CENPW: variants seen among roughly 807,000 people sequenced by gnomAD.
CENPW encodes centromere protein W.
CENPW carries 3 observed loss-of-function variants against 11.1 expected under a neutral mutation model. The observed-to-expected ratio is 0.27, with a 90% CI of 0.12 to 0.70. The LOEUF (loss-of-function observed/expected upper bound fraction) is 0.70. CENPW is among the 30% of genes least tolerant of loss of function. The probability of loss-of-function intolerance (pLI) is 0.77; values close to 1 mark genes in which losing one functional copy is unlikely to be tolerated. For synonymous variants in CENPW, 38 were observed against 42.0 expected, an observed-to-expected ratio of 0.91 and a Z score of 0.37; for missense variants, 100 against 105.6, an observed-to-expected ratio of 0.95 and a Z score of 0.23.
chr6:126,360,806 C>T, the CENPW span, among the ~76,000 whole-genome samples: 13 of 152,020 alleles, frequency 8.6e-5, no homozygotes, highest in Non-Finnish European at 4.4e-5. Context: ...GTTATTTCAT[C>T]TTTCAGCTCT....
the CENPW span, among the ~76,000 whole-genome samples, chr6:126,453,258 A>G: frequency 6.6e-6 from 1 of 151,164 alleles, no homozygotes; most frequent in Admixed American, 6.6e-5. Flanking sequence ...ACACATAGTC[A>G]TCAGATTCCC....
At chr6:126,452,442 A>T in the CENPW span, among the ~76,000 whole-genome samples, 1 of 151,164 alleles carries the variant, frequency 6.6e-6, no homozygotes, top group African/African-American at 2.4e-5. Flanking sequence ...AGGAGAACGT[A>T]TTAGAAATTT....
chr6:126,454,728 TA>T, the CENPW span, among the ~76,000 whole-genome samples: 4 of 151,024 alleles, frequency 2.6e-5, no homozygotes, highest in African/African-American at 9.7e-5. Context: ...GAATCAGAGC[TA>T]AACTGAAGGA....
At chr6:126,469,979 T>C in the CENPW span, among the ~76,000 whole-genome samples, 36 of 152,274 alleles carry the variant, frequency 2.4e-4, no homozygotes, top group South Asian at 6.2e-4. Flanking sequence ...AAGCAGAGCA[T>C]AAAAGTTTAG....
the CENPW span, among the ~76,000 whole-genome samples, chr6:126,378,637 T>A: frequency 3.3e-5 from 5 of 152,180 alleles, no homozygotes; most frequent in Admixed American, 2.0e-4. Flanking sequence ...GCACTTTGGG[T>A]TCATAAAACA....
At chr6:126,422,051 A>G in the CENPW span, among the ~76,000 whole-genome samples, 8 of 152,270 alleles carry the variant, frequency 5.3e-5, no homozygotes, top group South Asian at 6.2e-4. Flanking sequence ...GAAATGTCTC[A>G]GTAGACTTCT....
chr6:126,426,445 A>C, the CENPW span, among the ~76,000 whole-genome samples: 1 of 152,174 alleles, frequency 6.6e-6, no homozygotes, highest in Non-Finnish European at 1.5e-5. Context: ...TCCCAGTTGG[A>C]GACCACTCCA....
chr6:126,369,697 G>A, the CENPW span, among the ~76,000 whole-genome samples: 1 of 152,126 alleles, frequency 6.6e-6, no homozygotes, highest in Non-Finnish European at 1.5e-5. Context: ...CAGAGTTATA[G>A]ATTGCAAAGA....
At chr6:126,375,353 T>G in the CENPW span, among the ~76,000 whole-genome samples, 1 of 152,226 alleles carries the variant, frequency 6.6e-6, no homozygotes, top group Non-Finnish European at 1.5e-5. Flanking sequence ...ATTTGAATGT[T>G]CTGAGCAGGC....
the CENPW span, among the ~76,000 whole-genome samples, chr6:126,473,825 T>C: frequency 6.7e-6 from 1 of 149,280 alleles, no homozygotes; most frequent in African/African-American, 2.4e-5. Flanking sequence ...ATATAGAATA[T>C]ATATGCACAG....
At chr6:126,422,557 T>C in the CENPW span, among the ~76,000 whole-genome samples, 1 of 152,122 alleles carries the variant, frequency 6.6e-6, no homozygotes, top group African/African-American at 2.4e-5. Flanking sequence ...ACCCTTATGA[T>C]GACAGGACTT....
the CENPW span, among the ~76,000 whole-genome samples, chr6:126,475,524 C>A: frequency 6.6e-6 from 1 of 151,884 alleles, no homozygotes; most frequent in Non-Finnish European, 1.5e-5. Context: ...TTTAGTTAGG[C>A]CTTATAAACA....
At chr6:126,383,992 C>G in the CENPW span, among the ~76,000 whole-genome samples, 1 of 152,038 alleles carries the variant, frequency 6.6e-6, no homozygotes, top group South Asian at 2.1e-4. Flanking sequence ...ATTGATCACA[C>G]AATCAGACAT....
the CENPW span, among the ~76,000 whole-genome samples, chr6:126,410,474 G>C: frequency 6.6e-6 from 1 of 152,046 alleles, no homozygotes; most frequent in East Asian, 1.9e-4. Flanking sequence ...GTGCCTTTAA[G>C]AATCTCTTTC....
chr6:126,473,468 A>T, the CENPW span, among the ~76,000 whole-genome samples: 24 of 152,168 alleles, frequency 1.6e-4, no homozygotes, highest in South Asian at 8.3e-4. Context: ...ACAGTGACTC[A>T]TTCCGGTAAT....
At chr6:126,364,474 A>C in the CENPW span, among the ~76,000 whole-genome samples, 2 of 152,142 alleles carry the variant, frequency 1.3e-5, no homozygotes, top group Non-Finnish European at 2.9e-5. Context: ...CTTAAAATTT[A>C]TGCTTCTCCT....
At chr6:126,466,062 T>C in the CENPW span, among the ~76,000 whole-genome samples, 1 of 152,110 alleles carries the variant, frequency 6.6e-6, no homozygotes, top group East Asian at 1.9e-4. Flanking sequence ...TGTTTAAAGA[T>C]GGCAATAGTA....
chr6:126,405,290 C>T, the CENPW span, among the ~76,000 whole-genome samples: 2 of 151,878 alleles, frequency 1.3e-5, no homozygotes, highest in Non-Finnish European at 2.9e-5. Context: ...GTTCTTGGCA[C>T]CTTTCTCAAA....
intron 2 of CENPW, among the ~76,000 whole-genome samples, chr6:126,347,664 C>T (rs1250082825): frequency 2.0e-5 from 3 of 151,828 alleles, no homozygotes; most frequent in Non-Finnish European, 4.4e-5. Context: ...TATAAACATT[C>T]CAACAAATTT....
Sources: gnomAD v4.1 joint callset for allele counts (sites outside exome capture counted in the v4.1 genomes callset) on GRCh38, gnomAD v4.1.1 for gene constraint, MANE v1.5 for transcripts, NCBI Gene and HGNC (gene_info 2026-07-23, HGNC 2026-07-21) for gene names.